Variants in SORCS1 observed in about 807,000 individuals in gnomAD.
SORCS1 encodes VPS10 domain-containing receptor SorCS1.
Under a neutral mutation model 146.1 loss-of-function variants are expected in SORCS1, and 60 were observed. The observed-to-expected ratio is 0.41, with a 90% CI of 0.33 to 0.51. The LOEUF (loss-of-function observed/expected upper bound fraction) is 0.51, where lower values mean the gene tolerates loss of function less well. SORCS1 is among the 20% of genes least tolerant of loss of function. SORCS1 has a pLI of 0.21. For missense variants in SORCS1, 1,352 were observed against 1,487.6 expected (o/e 0.91, Z 1.50); for synonymous variants, 637 against 584.0 (o/e 1.09, Z -1.31).
At chr10:107,131,875 G>A (rs1176555739) in intron 1 of SORCS1, among the ~76,000 whole-genome samples, 2 of 152,190 alleles carry the variant, frequency 1.3e-5, no homozygotes, top group Admixed American at 6.5e-5. Flanking sequence ...ACAATGATAG[G>A]TGGGAAAAAT....
chr10:106,888,292 C>A (rs1168624237), intron 2 of SORCS1, among the ~76,000 whole-genome samples: 1 of 152,164 alleles, frequency 6.6e-6, no homozygotes, highest in African/African-American at 2.4e-5. Flanking sequence ...TAAGATCAAA[C>A]TGACTGAGGC....
At chr10:107,106,032 A>G (rs1327231687) in intron 1 of SORCS1, among the ~76,000 whole-genome samples, 2 of 152,212 alleles carry the variant, frequency 1.3e-5, no homozygotes, top group Non-Finnish European at 2.9e-5. Flanking sequence ...CATAAGCTAG[A>G]CTGGATTTGG....
intron 1 of SORCS1, among the ~76,000 whole-genome samples, chr10:107,106,422 AT>A: frequency 6.6e-6 from 1 of 152,306 alleles, no homozygotes; most frequent in African/African-American, 2.4e-5. Flanking sequence ...AATGCCTTTT[AT>A]TTTGGGTCAA....
At chr10:106,929,362 G>A (rs1953266072) in intron 2 of SORCS1, among the ~76,000 whole-genome samples, 1 of 152,152 alleles carries the variant, frequency 6.6e-6, no homozygotes, top group Non-Finnish European at 1.5e-5. Context: ...AAGAAAGAAA[G>A]AAGGGAAAAG....
At chr10:106,615,550 A>G (rs1847302436) in intron 21 of SORCS1, among the ~76,000 whole-genome samples, 1 of 152,124 alleles carries the variant, frequency 6.6e-6, no homozygotes, top group Admixed American at 6.5e-5. Flanking sequence ...GTGGTTACTC[A>G]TGCCTGTAAT....
intron 3 of SORCS1, among the ~76,000 whole-genome samples, chr10:106,779,922 T>C (rs778631448): frequency 6.6e-6 from 1 of 152,230 alleles, no homozygotes; most frequent in African/African-American, 2.4e-5. Flanking sequence ...GACTGAAACA[T>C]AGTATGTACC....
chr10:106,894,180 T>G lies in SORCS1; in HGVS notation c.626+62333A>C, dbSNP rs190624374. On this transcript the variant is annotated intron_variant, in intron 2 of 25. Transcript: ENST00000263054. ...TATTTCCACAGTTGATGTAACTTAA[T>G]GAACAGCAAATTGGGAAAATCCGTC... is the stretch of plus-strand genomic sequence containing the variant. Among the ~76,000 whole-genome samples, 486 of 152,202 alleles carry G rather than the reference T, an allele frequency of 3.2e-3. 3 individuals carry two copies. Among genetic ancestry groups the G allele is most frequent in the African/African-American group, 0.011 (456 of 41,532 alleles).
chr10:106,948,653 TAAA>T (rs58567205), intron 2 of SORCS1, among the ~76,000 whole-genome samples: 1 of 140,830 alleles, frequency 7.1e-6, no homozygotes, highest in Non-Finnish European at 1.6e-5. Context: ...CCCTGTTTCT[TAAA>T]AAAAAAAAAA....
chr10:106,954,127 C>T (rs1310675460), intron 2 of SORCS1, among the ~76,000 whole-genome samples: 1 of 152,244 alleles, frequency 6.6e-6, no homozygotes, highest in Non-Finnish European at 1.5e-5. Flanking sequence ...TCTAGGGCAA[C>T]CTGCTCCTCA....
intron 2 of SORCS1, among the ~76,000 whole-genome samples, chr10:106,952,742 G>A (rs1315872733): frequency 6.6e-6 from 1 of 151,474 alleles, no homozygotes; most frequent in African/African-American, 2.4e-5. Flanking sequence ...TTGGGAGGCT[G>A]AGGTGGGAGG....
intron 1 of SORCS1, among the ~76,000 whole-genome samples, chr10:107,114,961 C>T (rs562877681): frequency 2.6e-5 from 4 of 151,912 alleles, no homozygotes; most frequent in African/African-American, 9.6e-5. Flanking sequence ...ACCTAACAAA[C>T]AACTATATCC....
rs763712882 is a variant in SORCS1, at chr10:106,607,190, T to G, written c.3141A>C (p.Lys1047Asn). 1 of 1,614,052 alleles carries G rather than the reference T, an allele frequency of 6.2e-7. No individual in the cohort carries two copies. The highest frequency in any genetic ancestry group is 1.3e-5 in the African/African-American group (1 of 75,012). Residue 1047 changes from lysine (K) to asparagine (N), a missense_variant, in exon 23 of 26, where the codon AAA becomes AAC. Coordinates refer to ENST00000263054, the MANE Select transcript of SORCS1 (RefSeq NM_052918.5). ...CCTGCTCCAGGTCATCAGTTGACCT[T>G]TTGTTTTCTCCAGCTGGATCCTGAT... ...LPYQDPAGENKRSTDDLEQIS... is the reference protein window; with the variant it reads ...LPYQDPAGENNRSTDDLEQIS...
At chr10:106,909,944 A>G (rs901866450) in intron 2 of SORCS1, among the ~76,000 whole-genome samples, 3 of 152,198 alleles carry the variant, frequency 2.0e-5, no homozygotes, top group Admixed American at 1.3e-4. Context: ...GGAAGAATCC[A>G]TGTTGTATAT....
upstream of SORCS1, among the ~76,000 whole-genome samples, chr10:107,169,132 C>G (rs1368012038): frequency 6.6e-6 from 1 of 152,120 alleles, no homozygotes; most frequent in East Asian, 1.9e-4. Flanking sequence ...TTTCCTAAGT[C>G]TCTTGATTTT....
chr10:106,634,917 T>C (rs1848643112), intron 18 of SORCS1, among the ~76,000 whole-genome samples: 1 of 152,212 alleles, frequency 6.6e-6, no homozygotes, highest in Non-Finnish European at 1.5e-5. Flanking sequence ...TATTATAAAA[T>C]TCTTCAGATC....
At chr10:106,968,405 C>A (rs1291198322) in intron 1 of SORCS1, among the ~76,000 whole-genome samples, 2 of 152,090 alleles carry the variant, frequency 1.3e-5, no homozygotes, top group African/African-American at 2.4e-5. Flanking sequence ...TATTAATATT[C>A]TTTCTATGTG....
At chr10:106,743,990 C>A (rs972393177) in intron 5 of SORCS1, among the ~76,000 whole-genome samples, 4 of 152,142 alleles carry the variant, frequency 2.6e-5, no homozygotes, top group Non-Finnish European at 5.9e-5. Context: ...CAGCGTAACA[C>A]ACGATGTAAT....
chr10:106,796,008 G>T (rs1946536535), intron 3 of SORCS1, among the ~76,000 whole-genome samples: 2 of 152,232 alleles, frequency 1.3e-5, no homozygotes, highest in South Asian at 4.1e-4. Context: ...TGCTAGTGAG[G>T]TTATGAACAA....
At chr10:107,174,771 T>C in the SORCS1 span, among the ~76,000 whole-genome samples, 1 of 152,114 alleles carries the variant, frequency 6.6e-6, no homozygotes, top group African/African-American at 2.4e-5. Flanking sequence ...CATTGATTGG[T>C]TGATGATTGT....
Sources: allele counts gnomAD v4.1 joint callset (sites outside exome capture counted in the v4.1 genomes callset), GRCh38; gene constraint gnomAD v4.1.1; transcripts MANE v1.5; gene names NCBI Gene and HGNC (gene_info 2026-07-23, HGNC 2026-07-21).